The following PIK3C2G variants were observed in gnomAD, a reference collection of about 807,000 sequenced individuals.
The protein encoded by PIK3C2G is phosphatidylinositol 3-kinase C2 domain-containing subunit gamma.
PIK3C2G carries 168 observed loss-of-function variants against 181.1 expected under a neutral mutation model. The observed-to-expected ratio is 0.93, with a 90% CI of 0.82 to 1.05. The LOEUF is 1.05. Among genes scored for constraint, PIK3C2G ranks in the 50% least tolerant of loss-of-function variants. The probability of loss-of-function intolerance (pLI) is 0.00; values close to 1 mark genes in which losing one functional copy is unlikely to be tolerated. For synonymous variants in PIK3C2G, 573 were observed against 592.2 expected (o/e 0.97, Z 0.47); for missense variants, 1,869 against 1,732.8 (o/e 1.08, Z -1.40).
intron 1 of PIK3C2G, among the ~76,000 whole-genome samples, chr12:18,268,351 G>A (rs1948596695): frequency 6.6e-6 from 1 of 151,964 alleles, no homozygotes; most frequent in Non-Finnish European, 1.5e-5. Flanking sequence ...TCTACAGCAA[G>A]TCAACTGTAT....
At chr12:18,705,476 A>G in the PIK3C2G span, among the ~76,000 whole-genome samples, 2 of 152,204 alleles carry the variant, frequency 1.3e-5, no homozygotes, top group Non-Finnish European at 2.9e-5. Context: ...GTTTGGCAAA[A>G]CAGAGACCAT....
chr12:18,325,421 A>C (rs1951294587), intron 8 of PIK3C2G, among the ~76,000 whole-genome samples: 1 of 152,092 alleles, frequency 6.6e-6, no homozygotes, highest in Non-Finnish European at 1.5e-5. Context: ...GAAGGTGGGG[A>C]GTAGAGATAA....
chr12:18,544,933 T>C (rs1195496862), intron 25 of PIK3C2G, among the ~76,000 whole-genome samples: 1 of 151,880 alleles, frequency 6.6e-6, no homozygotes, highest in African/African-American at 2.4e-5. Flanking sequence ...CAATGACTGA[T>C]CTTCATTCCT....
intron 24 of PIK3C2G, among the ~76,000 whole-genome samples, chr12:18,528,818 G>C (rs1943385048): frequency 6.6e-6 from 1 of 152,160 alleles, no homozygotes; most frequent in South Asian, 2.1e-4. Context: ...GTGCCCTGTA[G>C]CATGGTGCTG....
At chr12:18,627,718 G>T (rs542357234) in intron 31 of PIK3C2G, among the ~76,000 whole-genome samples, 1 of 152,244 alleles carries the variant, frequency 6.6e-6, no homozygotes, top group East Asian at 1.9e-4. Context: ...CCCTTTTCAT[G>T]ATGGCTAACC....
intron 29 of PIK3C2G, among the ~76,000 whole-genome samples, chr12:18,590,117 G>GT (rs35341019): frequency 0.28 from 39,420 of 141,804 alleles, 5,561 homozygotes; most frequent in Non-Finnish European, 0.34. Flanking sequence ...TAAATTCAGA[G>GT]TTTTTTTTTT....
intron 30 of PIK3C2G, among the ~76,000 whole-genome samples, chr12:18,608,773 A>C (rs1389150483): frequency 6.6e-6 from 1 of 152,162 alleles, no homozygotes; most frequent in Non-Finnish European, 1.5e-5. Flanking sequence ...TACAAGGCTG[A>C]GAAATTTAGA....
intron 29 of PIK3C2G, among the ~76,000 whole-genome samples, chr12:18,575,948 A>G (rs940313461): frequency 6.6e-6 from 1 of 152,192 alleles, no homozygotes; most frequent in Admixed American, 6.5e-5. Context: ...TGAAAACCTA[A>G]GGGACTGAAA....
chr12:18,380,780 A>C (rs1942783618), intron 13 of PIK3C2G, among the ~76,000 whole-genome samples: 1 of 152,242 alleles, frequency 6.6e-6, no homozygotes. Flanking sequence ...AAATGATAAA[A>C]GAGGCAGTCT....
intron 26 of PIK3C2G, among the ~76,000 whole-genome samples, chr12:18,559,805 TATATATATATATATATAGAGAG>T (rs1483949561): frequency 3.6e-3 from 163 of 45,826 alleles, no homozygotes; most frequent in Non-Finnish European, 4.4e-3. Context: ...TATATATATA[TATATATATATATATATAGAGAG>T]AGAGAGAGAG....
chr12:18,674,354 G>T, the PIK3C2G span, among the ~76,000 whole-genome samples: 20 of 152,016 alleles, frequency 1.3e-4, no homozygotes, highest in Non-Finnish European at 2.6e-4. Context: ...CTAAAATTTT[G>T]TATGTTTGTT....
intron 29 of PIK3C2G, among the ~76,000 whole-genome samples, chr12:18,590,306 C>T (rs1252759777): frequency 1.3e-5 from 2 of 151,872 alleles, no homozygotes; most frequent in Non-Finnish European, 2.9e-5. Flanking sequence ...ACTTTCCGAA[C>T]ACCTCATATT....
At chr12:18,524,860 C>T (rs1336517047) in intron 24 of PIK3C2G, among the ~76,000 whole-genome samples, 2 of 151,524 alleles carry the variant, frequency 1.3e-5, no homozygotes, top group African/African-American at 4.8e-5. Context: ...GAGCCACCCA[C>T]CCGGCCTGTG....
At chr12:18,341,884 G>C (rs965985208) in intron 9 of PIK3C2G, among the ~76,000 whole-genome samples, 1 of 152,148 alleles carries the variant, frequency 6.6e-6, no homozygotes, top group Non-Finnish European at 1.5e-5. Context: ...CTGCCATACA[G>C]GGAAGTCCTT....
At position 18,503,385 on chromosome 12, in the gene PIK3C2G, C is replaced by T; in HGVS notation, c.3121C>T (p.Gln1041Ter). 1 of 1,610,216 alleles carries T rather than the reference C, an allele frequency of 6.2e-7. No homozygotes were observed. The highest frequency in any genetic ancestry group is 1.3e-5 in the African/African-American group (1 of 74,908). The change falls in exon 23 of 33, where the codon CAG (glutamine) becomes TAG (stop). Residue 1041 changes from glutamine to a stop codon, truncating the protein, a stop_gained. Transcript: ENST00000538779. LOFTEE classifies it high-confidence loss of function. ...KENTIKKWFS[Q>*]HNHLKADYEK... Reference sequence around the variant, plus strand: ...AAATACAATTAAAAAGTGGTTCAGTCAGCACAACCACTTAAAGGCAGATTA... The same window carrying T: ...AAATACAATTAAAAAGTGGTTCAGTTAGCACAACCACTTAAAGGCAGATTA...
chr12:18,500,514 G>C (rs986102478), intron 22 of PIK3C2G, among the ~76,000 whole-genome samples: 2 of 152,196 alleles, frequency 1.3e-5, no homozygotes, highest in Non-Finnish European at 2.9e-5. Context: ...GACCACCTAA[G>C]GGCTGAGGAG....
intron 18 of PIK3C2G, among the ~76,000 whole-genome samples, chr12:18,470,433 G>T (rs1938349862): frequency 6.6e-6 from 1 of 152,074 alleles, no homozygotes; most frequent in Non-Finnish European, 1.5e-5. Flanking sequence ...TTTCTTCCAT[G>T]AAACCACAGC....
intron 32 of PIK3C2G, among the ~76,000 whole-genome samples, chr12:18,644,113 G>T (rs1949991081): frequency 1.3e-5 from 2 of 152,208 alleles, no homozygotes; most frequent in East Asian, 1.9e-4. Flanking sequence ...CCATACTAAG[G>T]CTTTGATGCA....
intron 18 of PIK3C2G, among the ~76,000 whole-genome samples, chr12:18,477,460 GCATAA>G (rs1463241894): frequency 3.3e-5 from 5 of 152,136 alleles, no homozygotes; most frequent in South Asian, 4.2e-4. Flanking sequence ...AGCAACAACA[GCATAA>G]CATAAGTCAA....
Sources: allele counts gnomAD v4.1 joint callset (sites outside exome capture counted in the v4.1 genomes callset), GRCh38; gene constraint gnomAD v4.1.1; transcripts MANE v1.5; gene names NCBI Gene and HGNC (gene_info 2026-07-23, HGNC 2026-07-21).